Variants in KLHL1 observed in about 807,000 individuals in gnomAD.
KLHL1 encodes the protein kelch like family member 1.
In KLHL1, 47 loss-of-function variants were observed where a neutral mutation model predicts 77.7. That is an observed-to-expected ratio of 0.60 (90% CI 0.48 to 0.77). The LOEUF (loss-of-function observed/expected upper bound fraction) is 0.77, where lower values mean the gene tolerates loss of function less well. Ranked by LOEUF, KLHL1 falls within the 30% of genes least tolerant of loss-of-function variation. KLHL1 has a pLI of 0.00. For missense variants in KLHL1, 925 were observed against 910.8 expected, an observed-to-expected ratio of 1.02 and a Z score of -0.20; for synonymous variants, 360 against 325.2, an observed-to-expected ratio of 1.11 and a Z score of -1.15.
intron 1 of KLHL1, among the ~76,000 whole-genome samples, chr13:70,068,151 C>T (rs1381451220): frequency 1.3e-5 from 2 of 151,588 alleles, no homozygotes; most frequent in Admixed American, 1.3e-4. Context: ...ACCATCCTGG[C>T]TAACACGGTG....
chr13:69,863,189 T>C (rs1880238972), intron 5 of KLHL1, among the ~76,000 whole-genome samples: 1 of 152,094 alleles, frequency 6.6e-6, no homozygotes, highest in South Asian at 2.1e-4. Flanking sequence ...ATGTTGTAAT[T>C]ATTCACTTTT....
chr13:69,902,537 A>G (rs1407281637), intron 4 of KLHL1, among the ~76,000 whole-genome samples: 1 of 152,198 alleles, frequency 6.6e-6, no homozygotes, highest in Non-Finnish European at 1.5e-5. Flanking sequence ...CTGGATTAAG[A>G]AAATGTGGCA....
chr13:70,002,455 G>C (rs947653481), intron 1 of KLHL1, among the ~76,000 whole-genome samples: 2 of 151,476 alleles, frequency 1.3e-5, no homozygotes, highest in African/African-American at 4.8e-5. Flanking sequence ...AGCCTCAAAA[G>C]CATATTGGAA....
intron 5 of KLHL1, among the ~76,000 whole-genome samples, chr13:69,877,762 G>C (rs1880822468): frequency 6.6e-6 from 1 of 152,118 alleles, no homozygotes; most frequent in East Asian, 1.9e-4. Context: ...TGTTGCTTCT[G>C]AGTCTTTTTC....
intron 3 of KLHL1, among the ~76,000 whole-genome samples, chr13:69,951,334 T>G (rs1037680288): frequency 6.6e-6 from 1 of 151,460 alleles, no homozygotes; most frequent in Admixed American, 6.6e-5. Context: ...CTTTATATTC[T>G]ACATCATCAG....
Position 70,080,237 on chromosome 13 carries a change from G to A in KLHL1, c.497+26966C>T, listed in dbSNP as rs1887361803. On this transcript the variant is annotated intron_variant, in intron 1 of 10. Coordinates refer to ENST00000377844, the MANE Select transcript of KLHL1 (RefSeq NM_020866.3). ...ACCAGGGAACGAATTTGAGGAGCATGCCAACGTGGCTTGGCTCTTTTTAAA... is the reference window on the plus strand; with the variant it reads ...ACCAGGGAACGAATTTGAGGAGCATACCAACGTGGCTTGGCTCTTTTTAAA... Among the ~76,000 whole-genome samples the A allele has an allele frequency of 3.3e-5, 5 of 152,154 alleles. No homozygotes were observed. In the South Asian group the frequency reaches 1.0e-3, roughly 32 times the overall value.
chr13:69,893,218 C>T (rs950758297), intron 4 of KLHL1, among the ~76,000 whole-genome samples: 1 of 151,482 alleles, frequency 6.6e-6, no homozygotes, highest in East Asian at 1.9e-4. Flanking sequence ...CTCTTGGTAG[C>T]TACATAAATT....
intron 7 of KLHL1, among the ~76,000 whole-genome samples, chr13:69,781,445 C>T (rs1198966926): frequency 6.6e-6 from 1 of 151,952 alleles, no homozygotes; most frequent in Admixed American, 6.6e-5. Flanking sequence ...AAGTTGAAAA[C>T]CTTTGCCTGT....
intron 4 of KLHL1, among the ~76,000 whole-genome samples, chr13:69,925,357 A>G (rs1032178822): frequency 2.0e-5 from 3 of 152,216 alleles, no homozygotes; most frequent in Admixed American, 6.5e-5. Context: ...TAATATATGT[A>G]AAACACTTAG....
chr13:70,095,701 TTTTAG>T (rs1887772747), intron 1 of KLHL1, among the ~76,000 whole-genome samples: 1 of 152,122 alleles, frequency 6.6e-6, no homozygotes, highest in Non-Finnish European at 1.5e-5. Context: ...AATTCCACTC[TTTTAG>T]TTATTTTGAG....
chr13:70,009,067 G>T (rs1007483770), intron 1 of KLHL1, among the ~76,000 whole-genome samples: 1 of 151,940 alleles, frequency 6.6e-6, no homozygotes, highest in Non-Finnish European at 1.5e-5. Context: ...TAATTGGGGG[G>T]TTTTGAAAAA....
At chr13:70,017,847 G>T (rs1456579149) in intron 1 of KLHL1, among the ~76,000 whole-genome samples, 2 of 152,040 alleles carry the variant, frequency 1.3e-5, no homozygotes, top group Admixed American at 6.6e-5. Flanking sequence ...TGCTGGATAG[G>T]GCAAGAGATA....
At chr13:70,007,690 T>C (rs1303608206) in intron 1 of KLHL1, among the ~76,000 whole-genome samples, 2 of 152,006 alleles carry the variant, frequency 1.3e-5, no homozygotes, top group Non-Finnish European at 2.9e-5. Flanking sequence ...TAGAAAATAA[T>C]TTCAACTTTC....
chr13:69,861,053 T>A (rs1018227980), intron 5 of KLHL1, among the ~76,000 whole-genome samples: 2 of 152,042 alleles, frequency 1.3e-5, no homozygotes, highest in African/African-American at 4.8e-5. Context: ...ATTCTAATCA[T>A]CAGTAAAATA....
intron 5 of KLHL1, among the ~76,000 whole-genome samples, chr13:69,869,936 G>A (rs1215327071): frequency 6.6e-6 from 1 of 152,150 alleles, no homozygotes; most frequent in East Asian, 1.9e-4. Context: ...GGAAACTATA[G>A]CATACAAGAG....
At chr13:69,884,474 A>G (rs1377729436) in intron 4 of KLHL1, among the ~76,000 whole-genome samples, 1 of 151,624 alleles carries the variant, frequency 6.6e-6, no homozygotes, top group Non-Finnish European at 1.5e-5. Flanking sequence ...TGTTCTGAGG[A>G]ATCTTTGAAA....
chr13:69,929,732 C>T (rs1052517110), intron 4 of KLHL1, among the ~76,000 whole-genome samples: 1 of 151,584 alleles, frequency 6.6e-6, no homozygotes, highest in Non-Finnish European at 1.5e-5. Flanking sequence ...CATTATTAGT[C>T]ATATTTTTGG....
At chr13:69,737,590 C>T (rs1193735349) in intron 8 of KLHL1, among the ~76,000 whole-genome samples, 1 of 152,198 alleles carries the variant, frequency 6.6e-6, no homozygotes, top group East Asian at 1.9e-4. Flanking sequence ...TGGGAGCAAA[C>T]TTCTCACAGG....
chr13:69,731,166 G>A (rs976648909), intron 8 of KLHL1, among the ~76,000 whole-genome samples: 3 of 151,892 alleles, frequency 2.0e-5, no homozygotes, highest in African/African-American at 7.3e-5. Flanking sequence ...ATTTTCTATT[G>A]AGTAAAGTGA....
Sources: gnomAD v4.1 joint callset for allele counts (sites outside exome capture counted in the v4.1 genomes callset) on GRCh38, gnomAD v4.1.1 for gene constraint, MANE v1.5 for transcripts, NCBI Gene and HGNC (gene_info 2026-07-23, HGNC 2026-07-21) for gene names.